C2CD3: variants seen among roughly 807,000 people sequenced by gnomAD.
The protein encoded by C2CD3 is C2 domain containing 3 centriole elongation regulator.
Under a neutral mutation model 234.0 loss-of-function variants are expected in C2CD3, and 148 were observed. That is an observed-to-expected ratio of 0.63 (90% CI 0.55 to 0.72). C2CD3 has a LOEUF of 0.72. Ranked by LOEUF, C2CD3 falls within the 30% of genes least tolerant of loss-of-function variation. The pLI, the probability that C2CD3 is intolerant of heterozygous loss-of-function variation, is 0.00. For missense variants in C2CD3, 2,577 were observed against 2,811.5 expected (o/e 0.92, Z 1.89); for synonymous variants, 1,000 against 1,035.4 (o/e 0.97, Z 0.66).
At chr11:74,144,324 T>C (rs900320212) in intron 3 of C2CD3, among the ~76,000 whole-genome samples, 7 of 152,192 alleles carry the variant, frequency 4.6e-5, no homozygotes, top group African/African-American at 1.7e-4. Flanking sequence ...TGGCCTGCTG[T>C]AACCCTCAGA....
chr11:74,125,800 A>C (rs1380323264), intron 7 of C2CD3, among the ~76,000 whole-genome samples: 1 of 152,198 alleles, frequency 6.6e-6, no homozygotes, highest in East Asian at 1.9e-4. Flanking sequence ...ACTCTTCAAG[A>C]GAATTGAAAA....
intron 20 of C2CD3, among the ~76,000 whole-genome samples, chr11:74,088,804 T>G (rs980429645): frequency 6.6e-6 from 1 of 152,208 alleles, no homozygotes; most frequent in Non-Finnish European, 1.5e-5. Flanking sequence ...CCAAAATAAT[T>G]TTCACCCCTT....
chr11:74,048,080 A>C (rs1953474189), intron 28 of C2CD3, 125 bp downstream of exon 28: 2 of 1,027,912 alleles, frequency 1.9e-6, no homozygotes, highest in African/African-American at 1.6e-5. Context: ...TTGTGACAGA[A>C]GATCAACAAA....
chr11:74,170,139 T>C (rs1857072677), intron 1 of C2CD3, among the ~76,000 whole-genome samples: 1 of 152,130 alleles, frequency 6.6e-6, no homozygotes, highest in Non-Finnish European at 1.5e-5. Flanking sequence ...TCTTTCATGA[T>C]CTCAGGTCCT....
intron 25 of C2CD3, among the ~76,000 whole-genome samples, chr11:74,056,779 C>T (rs765384038): frequency 2.6e-5 from 4 of 152,168 alleles, no homozygotes; most frequent in Non-Finnish European, 5.9e-5. Flanking sequence ...AACTTATATA[C>T]ATTCTTCAAT....
chr11:74,135,824 C>T (rs1565334267), intron 5 of C2CD3, among the ~76,000 whole-genome samples: 1 of 152,146 alleles, frequency 6.6e-6, no homozygotes. Context: ...AGATCTTATC[C>T]AGTGCAACTG....
chr11:74,114,627 T>C, intron 9 of C2CD3, 34 bp from the exon 10 acceptor site: 1 of 1,313,326 alleles, frequency 7.6e-7, no homozygotes, highest in Non-Finnish European at 1.1e-6. Flanking sequence ...TGAGGCATAC[T>C]GCTACAGGCT....
In C2CD3 at chr11:74,077,014, T is replaced by C. The variant is rs940027736; in HGVS notation, c.4603+1101A>G. On this transcript the variant is annotated intron_variant, in intron 23 of 32. Coordinates refer to ENST00000334126, the MANE Select transcript of C2CD3 (RefSeq NM_001286577.2). Reference sequence around the variant, plus strand: ...CTTTGAATTCCCAGGTCCAAGCATATGTAACAAGTACTAAACAAATGTTTG... The same window carrying C: ...CTTTGAATTCCCAGGTCCAAGCATACGTAACAAGTACTAAACAAATGTTTG... Among the ~76,000 whole-genome samples the C allele has an allele frequency of 3.5e-4, 54 of 152,306 alleles. 1 individual carries two copies. The highest frequency in any genetic ancestry group is 3.0e-3 in the Admixed American group (46 of 15,288).
chr11:74,061,228 C>T (rs1320418515), intron 24 of C2CD3, among the ~76,000 whole-genome samples: 3 of 152,150 alleles, frequency 2.0e-5, no homozygotes, highest in Admixed American at 2.0e-4. Context: ...GAGAACTTCC[C>T]CAACCTAGTG....
chr11:74,016,184 T>C (rs537685486), intron 32 of C2CD3, among the ~76,000 whole-genome samples: 4 of 152,226 alleles, frequency 2.6e-5, no homozygotes, highest in East Asian at 1.9e-4. Flanking sequence ...CCTGTTGTCA[T>C]AGGGCTGCTC....
intron 3 of C2CD3, 120 bp from the exon 4 acceptor site, chr11:74,139,948 C>G: frequency 2.0e-6 from 1 of 489,978 alleles, no homozygotes; most frequent in East Asian, 3.4e-5. Context: ...AGGAATGTCC[C>G]CCATTCCCTA....
intron 6 of C2CD3, 58 bp from the exon 7 acceptor site, chr11:74,133,030 T>C (rs1036208015): frequency 1.9e-6 from 3 of 1,538,776 alleles, no homozygotes; most frequent in Middle Eastern, 1.7e-4. Context: ...AAAATCTAAA[T>C]CATAATCACT....
chr11:74,079,417 G>A (rs1041810955), intron 22 of C2CD3, among the ~76,000 whole-genome samples: 8 of 151,796 alleles, frequency 5.3e-5, no homozygotes, highest in African/African-American at 1.9e-4. Context: ...TGTAGAGATA[G>A]GGTCGTGTTG....
chr11:74,030,849 A>G (rs1952495304), intron 31 of C2CD3, among the ~76,000 whole-genome samples: 2 of 152,204 alleles, frequency 1.3e-5, no homozygotes, highest in South Asian at 4.2e-4. Flanking sequence ...CCAGTAAATG[A>G]TATCACCTGC....
At chr11:74,127,909 C>T (rs1957469958) in intron 7 of C2CD3, among the ~76,000 whole-genome samples, 1 of 151,812 alleles carries the variant, frequency 6.6e-6, no homozygotes, top group South Asian at 2.1e-4. Context: ...GTCGCCCAGG[C>T]TGGAGTGTAG....
At chr11:74,076,057 C>A (rs1272752737) in intron 23 of C2CD3, among the ~76,000 whole-genome samples, 1 of 152,182 alleles carries the variant, frequency 6.6e-6, no homozygotes, top group African/African-American at 2.4e-5. Context: ...GTGTCCTAAA[C>A]CTACTTTCTT....
chr11:74,132,133 T>C (rs1393396567), intron 7 of C2CD3, among the ~76,000 whole-genome samples: 1 of 152,090 alleles, frequency 6.6e-6, no homozygotes, highest in Non-Finnish European at 1.5e-5. Context: ...AGTGGATCAC[T>C]TGAGGTCAAG....
chr11:74,126,339 T>C (rs953814167), intron 7 of C2CD3, among the ~76,000 whole-genome samples: 4 of 152,212 alleles, frequency 2.6e-5, no homozygotes, highest in African/African-American at 9.6e-5. Context: ...TTCATAATTA[T>C]GTGTCTTGGT....
chr11:74,109,280 T>C, intron 11 of C2CD3, 128 bp from the exon 12 acceptor site: 1 of 606,326 alleles, frequency 1.6e-6, no homozygotes, highest in Non-Finnish European at 2.9e-6. Flanking sequence ...CGAGTCAGTG[T>C]GCTTTCACAG....
Sources: allele counts gnomAD v4.1 joint callset (sites outside exome capture counted in the v4.1 genomes callset), GRCh38; gene constraint gnomAD v4.1.1; transcripts MANE v1.5; gene names NCBI Gene and HGNC (gene_info 2026-07-23, HGNC 2026-07-21).